Variants in B3GLCT observed in about 807,000 individuals in gnomAD.
The protein encoded by B3GLCT is beta 3-glucosyltransferase.
In B3GLCT, 65 loss-of-function variants were observed where a neutral mutation model predicts 63.4. The ratio of observed to expected loss-of-function variants is 1.03; its 90% CI spans 0.84 to 1.26. The LOEUF (loss-of-function observed/expected upper bound fraction) is 1.26, where lower values mean the gene tolerates loss of function less well. Among genes scored for constraint, B3GLCT ranks in the 50% most tolerant of loss-of-function variants. The pLI, the probability that B3GLCT is intolerant of heterozygous loss-of-function variation, is 0.00. For synonymous variants in B3GLCT, 233 were observed against 219.2 expected (o/e 1.06, Z -0.55); for missense variants, 577 against 604.8 (o/e 0.95, Z 0.48).
At chr13:31,214,939 A>G in intron 1 of B3GLCT, 112 bp from the exon 2 acceptor site, 2 of 1,080,080 alleles carry the variant, frequency 1.9e-6, no homozygotes, top group Non-Finnish European at 2.7e-6. Flanking sequence ...AAATGAGCAA[A>G]ATATGTCTTG....
intron 1 of B3GLCT, among the ~76,000 whole-genome samples, chr13:31,214,279 T>C (rs1041250743): frequency 7.9e-5 from 12 of 152,266 alleles, no homozygotes; most frequent in African/African-American, 2.7e-4. Context: ...GGGAGAAATG[T>C]ACTGTAAAAT....
chr13:31,250,233 G>C (rs1208186689), intron 6 of B3GLCT, among the ~76,000 whole-genome samples: 1 of 152,148 alleles, frequency 6.6e-6, no homozygotes, highest in Non-Finnish European at 1.5e-5. Context: ...GAGTGCAGTG[G>C]TGCAGTCTTG....
At chr13:31,290,800 T>C (rs112994575) in intron 12 of B3GLCT, among the ~76,000 whole-genome samples, 4,071 of 152,296 alleles carry the variant, frequency 0.027, 192 homozygotes, top group African/African-American at 0.093. Flanking sequence ...TTTTCTCCCA[T>C]TCTGTAGGTT....
intron 1 of B3GLCT, among the ~76,000 whole-genome samples, chr13:31,204,806 G>A (rs529740354): frequency 6.6e-6 from 1 of 152,230 alleles, no homozygotes; most frequent in Non-Finnish European, 1.5e-5. Flanking sequence ...CTCAGACTCT[G>A]GGACTGATTA....
chr13:31,284,483 A>G (rs1331649282), intron 10 of B3GLCT, among the ~76,000 whole-genome samples, 165 bp from the exon 11 acceptor site: 6 of 152,218 alleles, frequency 3.9e-5, no homozygotes, highest in Non-Finnish European at 7.3e-5. Context: ...GGTTTTAGTC[A>G]ACAACGTTGG....
chr13:31,261,089 A>G lies in B3GLCT; in HGVS notation c.596+7A>G, dbSNP rs1326791027. 6.4e-7 allele frequency: 1 copy of G among 1,570,646 alleles called. No individual in the cohort carries two copies. Among genetic ancestry groups the G allele is most frequent in the Admixed American group, 1.7e-5 (1 of 57,446 alleles). On this transcript the variant is annotated splice_region_variant and intron_variant, in intron 7 of 14. Transcript: ENST00000343307. ...GTATTCCACTTGTAAACAAGTAAGA[A>G]TTTATTGGAATTTTTTCGGGGGGCG...
chr13:31,290,127 C>A (rs1395889022), intron 12 of B3GLCT, among the ~76,000 whole-genome samples: 2 of 152,148 alleles, frequency 1.3e-5, no homozygotes, highest in Non-Finnish European at 2.9e-5. Context: ...GTTTGGTTTT[C>A]TGTTCCTGTA....
At chr13:31,329,427 T>A in intron 14 of B3GLCT, 74 bp from the exon 15 acceptor site, 10 of 1,549,902 alleles carry the variant, frequency 6.5e-6, no homozygotes, top group Non-Finnish European at 8.9e-6. Context: ...GTCCACTTTA[T>A]AAATTCAAAT....
chr13:31,258,949 G>T (rs992298603), intron 6 of B3GLCT, among the ~76,000 whole-genome samples: 1 of 151,890 alleles, frequency 6.6e-6, no homozygotes, highest in Non-Finnish European at 1.5e-5. Flanking sequence ...GTCTCATATT[G>T]CCATAGCTCT....
chr13:31,312,879 G>T (rs962558168), intron 12 of B3GLCT: 1 of 152,208 alleles, frequency 6.6e-6, no homozygotes, highest in Non-Finnish European at 1.5e-5. Context: ...CAGCAGATCA[G>T]ATTTTTACAC....
At chr13:31,250,406 T>G (rs1411704003) in intron 6 of B3GLCT, among the ~76,000 whole-genome samples, 2 of 152,240 alleles carry the variant, frequency 1.3e-5, no homozygotes, top group African/African-American at 2.4e-5. Flanking sequence ...ACTCCTGGTC[T>G]CAAGTGATCT....
At chr13:31,272,196 CT>C (rs1397328143) in intron 8 of B3GLCT, among the ~76,000 whole-genome samples, 1 of 149,038 alleles carries the variant, frequency 6.7e-6, no homozygotes, top group African/African-American at 2.5e-5. Context: ...TTTTGTGCCC[CT>C]CTCCTTATTT....
At chr13:31,239,635 T>A (rs1354951728) in intron 4 of B3GLCT, among the ~76,000 whole-genome samples, 1 of 151,754 alleles carries the variant, frequency 6.6e-6, no homozygotes. Context: ...GAGATGATAC[T>A]ATTAAGTATC....
intron 4 of B3GLCT, among the ~76,000 whole-genome samples, chr13:31,238,505 G>T (rs1473961864): frequency 1.3e-5 from 2 of 152,172 alleles, no homozygotes; most frequent in Non-Finnish European, 2.9e-5. Flanking sequence ...TATGTGCAGA[G>T]TATCATTCTA....
chr13:31,325,479 A>T (rs1194482088), intron 14 of B3GLCT, among the ~76,000 whole-genome samples: 1 of 152,182 alleles, frequency 6.6e-6, no homozygotes, highest in Non-Finnish European at 1.5e-5. Context: ...TCATTTAGGG[A>T]AGAATAAATT....
At chr13:31,317,352 T>G (rs1341042662) in intron 12 of B3GLCT, among the ~76,000 whole-genome samples, 1 of 152,236 alleles carries the variant, frequency 6.6e-6, no homozygotes, top group Non-Finnish European at 1.5e-5. Flanking sequence ...CAGTTTCTCT[T>G]CTGTTTCCAG....
chr13:31,262,352 C>G (rs946716751), intron 7 of B3GLCT, among the ~76,000 whole-genome samples: 4 of 152,202 alleles, frequency 2.6e-5, no homozygotes, highest in African/African-American at 9.6e-5. Flanking sequence ...GCACTCAGTC[C>G]TGGGCCTGCC....
chr13:31,254,200 C>T (rs1871597124), intron 6 of B3GLCT, among the ~76,000 whole-genome samples: 1 of 152,138 alleles, frequency 6.6e-6, no homozygotes, highest in South Asian at 2.1e-4. Context: ...ATCCTGATAC[C>T]AAAACCTGGC....
chr13:31,217,652 G>A (rs1869623590), intron 2 of B3GLCT, among the ~76,000 whole-genome samples: 1 of 152,164 alleles, frequency 6.6e-6, no homozygotes, highest in Admixed American at 6.5e-5. Context: ...TCAATCTTCT[G>A]TATATGGCTA....
Sources: gnomAD v4.1 joint callset for allele counts (sites outside exome capture counted in the v4.1 genomes callset) on GRCh38, gnomAD v4.1.1 for gene constraint, MANE v1.5 for transcripts, NCBI Gene and HGNC (gene_info 2026-07-23, HGNC 2026-07-21) for gene names.